The following CHCHD3 variants were observed in gnomAD, a reference collection of about 807,000 sequenced individuals.
CHCHD3 encodes the protein MICOS complex subunit MIC19.
A neutral mutation model predicts 38.2 loss-of-function variants in CHCHD3; 20 were observed. That is an observed-to-expected ratio of 0.52 (90% CI 0.37 to 0.76). The LOEUF (loss-of-function observed/expected upper bound fraction) is 0.76. CHCHD3 is among the 30% of genes least tolerant of loss of function. The pLI, the probability that CHCHD3 is intolerant of heterozygous loss-of-function variation, is 0.00. For missense variants in CHCHD3, 245 were observed against 279.2 expected, an observed-to-expected ratio of 0.88 and a Z score of 0.87; for synonymous variants, 82 against 100.0, an observed-to-expected ratio of 0.82 and a Z score of 1.07.
chr7:132,819,018 G>A (rs1284960174), intron 6 of CHCHD3, among the ~76,000 whole-genome samples: 1 of 152,186 alleles, frequency 6.6e-6, no homozygotes, highest in Non-Finnish European at 1.5e-5. Flanking sequence ...GCCAGACACA[G>A]AGATGTCAAC....
chr7:132,832,031 A>T lies in CHCHD3; in HGVS notation c.524+6368T>A, dbSNP rs1044189209. Among the ~76,000 whole-genome samples, 108 of 152,284 alleles carry T rather than the reference A, an allele frequency of 7.1e-4. 2 individuals are homozygous for T. The highest frequency in any genetic ancestry group is 2.5e-3 in the African/African-American group (102 of 41,568). ...AAATATTACATCCAAAAAAGAAACT[A>T]AACAATATTGCCAGTGAAAGTGCAA... On this transcript the variant is annotated intron_variant, in intron 6 of 7. Coordinates refer to ENST00000262570, the MANE Select transcript of CHCHD3 (RefSeq NM_017812.4).
intron 4 of CHCHD3, among the ~76,000 whole-genome samples, chr7:132,957,444 C>T (rs1177533868): frequency 3.3e-5 from 5 of 152,000 alleles, no homozygotes; most frequent in Admixed American, 6.6e-5. Flanking sequence ...CTGGGCATCC[C>T]GGGGCACACA....
At chr7:132,792,232 T>C (rs941226208) in intron 7 of CHCHD3, among the ~76,000 whole-genome samples, 1 of 152,178 alleles carries the variant, frequency 6.6e-6, no homozygotes, top group Admixed American at 6.5e-5. Flanking sequence ...ATGAAAGGCA[T>C]CACGATCCAG....
intron 4 of CHCHD3, 113 bp downstream of exon 4, chr7:132,975,056 G>T: frequency 1.2e-6 from 1 of 838,936 alleles, no homozygotes; most frequent in South Asian, 1.7e-5. Flanking sequence ...TGAGCAAAGA[G>T]AACATGAATA....
chr7:133,080,556 G>A (rs1815143648), intron 1 of CHCHD3, among the ~76,000 whole-genome samples: 1 of 152,182 alleles, frequency 6.6e-6, no homozygotes, highest in South Asian at 2.1e-4. Flanking sequence ...CTAATGGCAA[G>A]AGTCTTAAAA....
chr7:133,046,337 T>C (rs1041923209), intron 2 of CHCHD3, among the ~76,000 whole-genome samples: 4 of 152,196 alleles, frequency 2.6e-5, no homozygotes, highest in Admixed American at 1.3e-4. Context: ...CTAGTAGTAT[T>C]AGCCACAGTA....
chr7:132,911,500 AG>A (rs1454623672), intron 4 of CHCHD3, among the ~76,000 whole-genome samples: 4 of 152,226 alleles, frequency 2.6e-5, no homozygotes, highest in Non-Finnish European at 4.4e-5. Flanking sequence ...AAAAGGCCTA[AG>A]GGATTCAAAT....
chr7:132,805,243 G>A (rs530045216), intron 6 of CHCHD3, among the ~76,000 whole-genome samples: 1 of 152,202 alleles, frequency 6.6e-6, no homozygotes, highest in South Asian at 2.1e-4. Flanking sequence ...GGCAACCGAA[G>A]TGTCAAGGAA....
chr7:132,912,703 C>T (rs539811931), intron 4 of CHCHD3, among the ~76,000 whole-genome samples: 77 of 152,196 alleles, frequency 5.1e-4, no homozygotes, highest in African/African-American at 1.7e-3. Flanking sequence ...TACAGGCGTG[C>T]GCCACCACAC....
intron 5 of CHCHD3, among the ~76,000 whole-genome samples, chr7:132,871,498 C>T (rs575013332): frequency 6.6e-6 from 1 of 152,304 alleles, no homozygotes; most frequent in Admixed American, 6.5e-5. Context: ...GTTACATTTT[C>T]ATTTTAATGA....
chr7:132,788,795 G>A lies in CHCHD3; in HGVS notation c.661-3135C>T, dbSNP rs956152504. On this transcript the variant is annotated intron_variant, in intron 7 of 7. Coordinates refer to ENST00000262570, the MANE Select transcript of CHCHD3 (RefSeq NM_017812.4). The surrounding 1 kb of genome is among the most constrained non-coding windows in gnomAD (Gnocchi z 4.0). The stretch of plus-strand genomic sequence containing the variant: ...AGCACAGTGGTTCAGCTGATTTGTG[G>A]TGACTCCTTGAAGACATGTGGGACC... 2.0e-5 allele frequency among the ~76,000 whole-genome samples: 3 copies of A among 152,152 alleles called. No individual in the cohort carries two copies. The highest frequency in any genetic ancestry group is 4.4e-5 in the Non-Finnish European group (3 of 68,022).
chr7:132,819,184 A>G (rs1311435076), intron 6 of CHCHD3, among the ~76,000 whole-genome samples: 1 of 152,250 alleles, frequency 6.6e-6, no homozygotes, highest in Non-Finnish European at 1.5e-5. Context: ...TGAGATTCAC[A>G]TGCTGTTAAC....
At chr7:132,851,875 G>A (rs1164554185) in intron 5 of CHCHD3, among the ~76,000 whole-genome samples, 1 of 152,140 alleles carries the variant, frequency 6.6e-6, no homozygotes, top group Non-Finnish European at 1.5e-5. Context: ...CACATCTCAG[G>A]CTTGCACTCC....
chr7:132,890,448 C>T (rs559370026), intron 4 of CHCHD3, among the ~76,000 whole-genome samples: 1 of 152,292 alleles, frequency 6.6e-6, no homozygotes, highest in African/African-American at 2.4e-5. Flanking sequence ...GCCCTTTTAG[C>T]CCTGGTTGCT....
chr7:133,075,107 G>T (rs1202565362), intron 1 of CHCHD3, among the ~76,000 whole-genome samples: 4 of 152,150 alleles, frequency 2.6e-5, no homozygotes, highest in Non-Finnish European at 4.4e-5. Flanking sequence ...TAGGTAGTAG[G>T]AGTAGAATGT....
chr7:133,075,608 G>A (rs1814963303), intron 1 of CHCHD3, among the ~76,000 whole-genome samples: 2 of 152,144 alleles, frequency 1.3e-5, no homozygotes, highest in Non-Finnish European at 2.9e-5. Context: ...GTGAACAGGG[G>A]TACTCACTCG....
At chr7:132,867,633 T>G (rs1808666059) in intron 5 of CHCHD3, among the ~76,000 whole-genome samples, 1 of 152,162 alleles carries the variant, frequency 6.6e-6, no homozygotes, top group East Asian at 1.9e-4. Flanking sequence ...TAGAAATACA[T>G]TAAAGTCAAT....
At chr7:133,025,698 G>A (rs367612194) in intron 2 of CHCHD3, among the ~76,000 whole-genome samples, 11 of 152,258 alleles carry the variant, frequency 7.2e-5, no homozygotes, top group South Asian at 2.1e-4. Flanking sequence ...TAGAGATGGC[G>A]TTTCATCATG....
At chr7:132,867,278 C>T (rs1172145316) in intron 5 of CHCHD3, among the ~76,000 whole-genome samples, 1 of 152,074 alleles carries the variant, frequency 6.6e-6, no homozygotes, top group African/African-American at 2.4e-5. Flanking sequence ...AATAAAAAGA[C>T]ATTTGGCAAA....
Sources: allele counts gnomAD v4.1 joint callset (sites outside exome capture counted in the v4.1 genomes callset), GRCh38; gene constraint gnomAD v4.1.1; non-coding constraint Gnocchi (gnomAD v3.1); transcripts MANE v1.5; gene names NCBI Gene and HGNC (gene_info 2026-07-23, HGNC 2026-07-21).